Variants in TENM3 observed in about 807,000 individuals in gnomAD.
The protein encoded by TENM3 is teneurin-3.
In TENM3, 63 loss-of-function variants were observed where a neutral mutation model predicts 255.1. The ratio of observed to expected loss-of-function variants is 0.25; its 90% CI spans 0.20 to 0.30. The LOEUF is 0.30. Ranked by LOEUF, TENM3 falls within the 10% of genes least tolerant of loss-of-function variation. The pLI is 1.00. For synonymous variants in TENM3, 1,306 were observed against 1,322.3 expected, an observed-to-expected ratio of 0.99 and a Z score of 0.27; for missense variants, 2,929 against 3,461.1, an observed-to-expected ratio of 0.85 and a Z score of 3.86.
the TENM3 span, among the ~76,000 whole-genome samples, chr4:181,920,653 G>A: frequency 6.6e-6 from 1 of 151,560 alleles, no homozygotes; most frequent in East Asian, 1.9e-4. Context: ...AGATGAGTAG[G>A]TTGCAAAAAT....
intron 12 of TENM3, among the ~76,000 whole-genome samples, chr4:182,710,507 T>C (rs1402275060): frequency 6.6e-6 from 1 of 152,220 alleles, no homozygotes; most frequent in Non-Finnish European, 1.5e-5. Flanking sequence ...TATTTTAAAA[T>C]GCCATTCAAA....
intron 5 of TENM3, among the ~76,000 whole-genome samples, chr4:182,648,238 T>C (rs1752927135): frequency 6.6e-6 from 1 of 151,968 alleles, no homozygotes; most frequent in Admixed American, 6.6e-5. Flanking sequence ...GGTAAAAAAA[T>C]GTATGTTATT....
chr4:182,008,698 T>C, the TENM3 span, among the ~76,000 whole-genome samples: 1 of 152,098 alleles, frequency 6.6e-6, no homozygotes, highest in Admixed American at 6.6e-5. Flanking sequence ...TAGTTTTTTA[T>C]TACCCATCTT....
chr4:181,954,060 C>T, the TENM3 span, among the ~76,000 whole-genome samples: 1 of 152,162 alleles, frequency 6.6e-6, no homozygotes, highest in Non-Finnish European at 1.5e-5. Flanking sequence ...TTTAAATTGT[C>T]TTATACTGTA....
At chr4:182,757,040 C>G (rs1353741694) in intron 22 of TENM3, among the ~76,000 whole-genome samples, 2 of 151,986 alleles carry the variant, frequency 1.3e-5, no homozygotes, top group Non-Finnish European at 2.9e-5. Context: ...AGGCCGGGCG[C>G]GGTGGCTCAC....
intron 1 of TENM3, among the ~76,000 whole-genome samples, chr4:182,295,014 G>A (rs1265454461): frequency 1.3e-5 from 2 of 151,746 alleles, no homozygotes; most frequent in Admixed American, 6.6e-5. Flanking sequence ...TGGGGGCAGG[G>A]GCTACAGTTT....
chr4:182,132,685 T>C, the TENM3 span, among the ~76,000 whole-genome samples: 2 of 152,164 alleles, frequency 1.3e-5, no homozygotes, highest in Non-Finnish European at 2.9e-5. Flanking sequence ...CACATTGGCG[T>C]GTATATGTGT....
chr4:182,224,736 T>A (rs2149980683), intron 1 of TENM3, among the ~76,000 whole-genome samples: 1 of 145,640 alleles, frequency 6.9e-6, no homozygotes, highest in African/African-American at 2.5e-5. Context: ...CAGTCAGATA[T>A]CTTTTTTTTT....
chr4:182,471,781 T>A (rs1024375464), intron 3 of TENM3, among the ~76,000 whole-genome samples: 11 of 152,154 alleles, frequency 7.2e-5, no homozygotes, highest in Non-Finnish European at 1.5e-4. Context: ...CACTATTCCT[T>A]AGGATAGCAC....
chr4:182,374,244 G>A (rs1767030861), intron 3 of TENM3, among the ~76,000 whole-genome samples: 1 of 152,122 alleles, frequency 6.6e-6, no homozygotes, highest in African/African-American at 2.4e-5. Context: ...AGGCACCACA[G>A]TCTTTTTGGT....
chr4:182,617,630 G>A (rs1435112826), intron 4 of TENM3, among the ~76,000 whole-genome samples: 1 of 152,188 alleles, frequency 6.6e-6, no homozygotes, highest in Non-Finnish European at 1.5e-5. Context: ...TATTGAAAAG[G>A]TTGTAAATTT....
At chr4:182,222,285 A>G (rs1004033013) in intron 1 of TENM3, among the ~76,000 whole-genome samples, 2 of 152,256 alleles carry the variant, frequency 1.3e-5, no homozygotes, top group Non-Finnish European at 2.9e-5. Flanking sequence ...GTTTTTAACA[A>G]TAGTCAGTGA....
the TENM3 span, among the ~76,000 whole-genome samples, chr4:181,725,954 C>A: frequency 2.5e-4 from 38 of 152,026 alleles, no homozygotes; most frequent in Non-Finnish European, 4.4e-5. Context: ...TTTCAAATAT[C>A]TTTGCCTGCC....
the TENM3 span, among the ~76,000 whole-genome samples, chr4:181,666,830 C>G: frequency 2.6e-5 from 4 of 152,116 alleles, no homozygotes; most frequent in African/African-American, 7.2e-5. Context: ...TAACACATCC[C>G]CTGGCTACCT....
chr4:182,580,579 G>T (rs1296521990), intron 3 of TENM3, among the ~76,000 whole-genome samples: 2 of 151,776 alleles, frequency 1.3e-5, no homozygotes, highest in African/African-American at 4.8e-5. Flanking sequence ...CATTAGATCT[G>T]CCAGGTTATA....
chr4:182,240,658 G>C (rs965762737), upstream of TENM3, among the ~76,000 whole-genome samples: 2 of 152,120 alleles, frequency 1.3e-5, no homozygotes, highest in Admixed American at 1.3e-4. Flanking sequence ...TGCGAGTCCC[G>C]GCCCTGCAGC....
At chr4:182,304,414 G>A (rs138254839) in intron 1 of TENM3, among the ~76,000 whole-genome samples, 3,447 of 152,078 alleles carry the variant, frequency 0.023, 67 homozygotes, top group Admixed American at 0.066. Context: ...GGGTTTCACC[G>A]TGTTAGCCGG....
chr4:182,526,911 G>GA (rs1739254619), intron 3 of TENM3, among the ~76,000 whole-genome samples: 1 of 151,954 alleles, frequency 6.6e-6, no homozygotes, highest in African/African-American at 2.4e-5. Flanking sequence ...AATATTATTG[G>GA]TTACTTGTCT....
the TENM3 span, among the ~76,000 whole-genome samples, chr4:181,641,758 G>GTA: frequency 8.2e-3 from 834 of 101,888 alleles, 27 homozygotes; most frequent in African/African-American, 0.027. Context: ...ACCATGGTGT[G>GTA]TATATATATA....
Sources: gnomAD v4.1 joint callset for allele counts (sites outside exome capture counted in the v4.1 genomes callset) on GRCh38, gnomAD v4.1.1 for gene constraint, MANE v1.5 for transcripts, NCBI Gene and HGNC (gene_info 2026-07-23, HGNC 2026-07-21) for gene names.